Variants in KIAA0319L observed in about 807,000 individuals in gnomAD.
KIAA0319L encodes KIAA0319 like.
KIAA0319L carries 55 observed loss-of-function variants against 120.1 expected under a neutral mutation model. That is an observed-to-expected ratio of 0.46 (90% CI 0.37 to 0.57). The LOEUF is 0.57. Among genes scored for constraint, KIAA0319L ranks in the 20% least tolerant of loss-of-function variants. The pLI is 0.00. For missense variants in KIAA0319L, 1,049 were observed against 1,255.3 expected, an observed-to-expected ratio of 0.84 and a Z score of 2.48; for synonymous variants, 398 against 471.9, an observed-to-expected ratio of 0.84 and a Z score of 2.03.
At chr1:35,533,886 TAAAC>T (rs563379784) in intron 2 of KIAA0319L, among the ~76,000 whole-genome samples, 149 of 152,210 alleles carry the variant, frequency 9.8e-4, no homozygotes, top group Middle Eastern at 3.4e-3. Context: ...CACCCACTAA[TAAAC>T]AAATACAAAA....
intron 7 of KIAA0319L, among the ~76,000 whole-genome samples, chr1:35,465,751 G>A (rs914253015): frequency 6.6e-6 from 1 of 152,172 alleles, no homozygotes; most frequent in Non-Finnish European, 1.5e-5. Flanking sequence ...CGTGTTGTGG[G>A]AGGAACCCAG....
chr1:35,537,625 A>C (rs1372543752), intron 2 of KIAA0319L, among the ~76,000 whole-genome samples: 2 of 150,390 alleles, frequency 1.3e-5, no homozygotes, highest in Non-Finnish European at 3.0e-5. Flanking sequence ...TAAAAAAAAA[A>C]AAAAAAAAAA....
chr1:35,485,147 GA>G (rs1309670802), intron 3 of KIAA0319L, among the ~76,000 whole-genome samples: 1 of 151,942 alleles, frequency 6.6e-6, no homozygotes, highest in East Asian at 1.9e-4. Context: ...ATATCTGGTT[GA>G]AAACTAGAGG....
chr1:35,478,864 C>T (rs1283363588), intron 4 of KIAA0319L, 102 bp downstream of exon 4: 4 of 1,341,946 alleles, frequency 3.0e-6, no homozygotes, highest in South Asian at 1.4e-5. Context: ...CTCTAACACA[C>T]AGTATTCAAG....
intron 6 of KIAA0319L, among the ~76,000 whole-genome samples, chr1:35,469,171 G>A (rs940364826): frequency 3.9e-5 from 6 of 152,128 alleles, no homozygotes; most frequent in Admixed American, 6.5e-5. Context: ...TGGGACCACA[G>A]GCACATGCCA....
Position 35,455,568 on chromosome 1 carries a change from A to C in KIAA0319L, c.1656+445T>G, listed in dbSNP as rs930612071. 1.2e-4 allele frequency among the ~76,000 whole-genome samples: 18 copies of C among 147,822 alleles called. No homozygotes were observed. The South Asian group carries it at 1.7e-3, about 14-fold the overall frequency. ...CTTTTCCTCTAATACTAAACATTTA[A>C]GATAATTTTTTTTTTTTTTTTTTTT... On this transcript the variant is annotated intron_variant, in intron 10 of 20. Coordinates refer to ENST00000325722, the MANE Select transcript of KIAA0319L (RefSeq NM_024874.5).
At chr1:35,472,455 C>T (rs564917130) in intron 5 of KIAA0319L, among the ~76,000 whole-genome samples, 17 of 152,284 alleles carry the variant, frequency 1.1e-4, no homozygotes, top group African/African-American at 4.1e-4. Context: ...CCACGTCTGG[C>T]TAATTTTTGT....
chr1:35,534,858 CAAAAAAAAAAAAA>C (rs779838672), intron 2 of KIAA0319L, among the ~76,000 whole-genome samples: 2 of 42,636 alleles, frequency 4.7e-5, no homozygotes, highest in Non-Finnish European at 5.5e-5. Context: ...GACTCCGTCT[CAAAAAAAAAAAAA>C]AAAAAAAAAA....
In KIAA0319L at chr1:35,456,254, A is replaced by G; in HGVS notation, c.1428-13T>C. On this transcript the variant is annotated splice_polypyrimidine_tract_variant and intron_variant, in intron 9 of 20. Coordinates refer to ENST00000325722, the MANE Select transcript of KIAA0319L (RefSeq NM_024874.5). ...TACTACAGTCAAGCTATCAGGGCAGAGAGAGGAGTGTGATCAGGGACGGGT... is the reference window on the plus strand; with the variant it reads ...TACTACAGTCAAGCTATCAGGGCAGGGAGAGGAGTGTGATCAGGGACGGGT... 2.7e-6 allele frequency: 4 copies of G among 1,508,688 alleles called. No individual in the cohort carries two copies. Among genetic ancestry groups the G allele is most frequent in the Non-Finnish European group, 3.6e-6 (4 of 1,110,004 alleles). The allele number at this position is 1,508,688 out of a possible 1,614,324, so 93.5% of individuals were successfully genotyped here.
chr1:35,472,786 C>T (rs928306849), intron 5 of KIAA0319L, among the ~76,000 whole-genome samples: 1 of 139,216 alleles, frequency 7.2e-6, no homozygotes, highest in Non-Finnish European at 1.6e-5. Context: ...ATCTATTTCC[C>T]TTTTTTTTTT....
At position 35,465,209 on chromosome 1, in the gene KIAA0319L, C is replaced by T. The variant is rs376890132; in HGVS notation, c.1201+1399G>A. On this transcript the variant is annotated intron_variant, in intron 7 of 20. Coordinates refer to ENST00000325722, the MANE Select transcript of KIAA0319L (RefSeq NM_024874.5). Reference sequence around the variant, plus strand: ...GCTTGCACTATGCACCCGGAAAAGCCGCAGACACTCAACGCCAGGCTGTGA... The same window carrying T: ...GCTTGCACTATGCACCCGGAAAAGCTGCAGACACTCAACGCCAGGCTGTGA... Among the ~76,000 whole-genome samples, 10 of 152,290 alleles carry T rather than the reference C, an allele frequency of 6.6e-5. 1 individual carries two copies. The East Asian group carries it at 1.4e-3, about 21-fold the overall frequency.
chr1:35,504,355 C>T (rs915559625), intron 3 of KIAA0319L, among the ~76,000 whole-genome samples: 1 of 152,082 alleles, frequency 6.6e-6, no homozygotes, highest in African/African-American at 2.4e-5. Flanking sequence ...TGCCACCACG[C>T]CCGGCTAACT....
In KIAA0319L at chr1:35,444,311, G is replaced by T; in HGVS notation, c.2514-8C>A. 1 of 1,602,010 alleles carries T rather than the reference G, an allele frequency of 6.2e-7. No homozygotes were observed. Among genetic ancestry groups the T allele is most frequent in the East Asian group, 2.3e-5 (1 of 44,444 alleles). On this transcript the variant is annotated splice_polypyrimidine_tract_variant and splice_region_variant and intron_variant, in intron 16 of 20. Transcript: ENST00000325722. Reference sequence around the variant, plus strand: ...AAAAATACCATTTTGGTGCTGCAGAGACATGCAACAGTACTAATGAGCTGA... The same window carrying T: ...AAAAATACCATTTTGGTGCTGCAGATACATGCAACAGTACTAATGAGCTGA...
intron 19 of KIAA0319L, 34 bp downstream of exon 19, chr1:35,442,212 G>A (rs1384849858): frequency 2.0e-6 from 3 of 1,495,068 alleles, no homozygotes; most frequent in African/African-American, 2.8e-5. Context: ...ATGACAAGAA[G>A]CCCGAATGAA....
intron 5 of KIAA0319L, among the ~76,000 whole-genome samples, chr1:35,473,362 T>C (rs565494663): frequency 1.1e-4 from 17 of 152,080 alleles, no homozygotes; most frequent in Non-Finnish European, 1.9e-4. Context: ...CCTCCCAAAG[T>C]ACCAGGATTA....
intron 16 of KIAA0319L, 143 bp from the exon 17 acceptor site, chr1:35,444,446 G>A (rs1030179013): frequency 5.3e-6 from 4 of 759,514 alleles, no homozygotes; most frequent in Non-Finnish European, 7.8e-6. Context: ...AGTGAGAAAG[G>A]TGTTATCAGG....
At chr1:35,448,119 AAGC>A in intron 16 of KIAA0319L, 51 bp downstream of exon 16, 1 of 1,502,728 alleles carries the variant, frequency 6.7e-7, no homozygotes, top group East Asian at 2.3e-5. Flanking sequence ...CTCATTCAAG[AAGC>A]CCGGGGGCCC....
chr1:35,509,527 G>A (rs1454141027), intron 2 of KIAA0319L, among the ~76,000 whole-genome samples: 1 of 152,238 alleles, frequency 6.6e-6, no homozygotes, highest in Non-Finnish European at 1.5e-5. Context: ...ACGGCTGCAA[G>A]CCAAGGAAAG....
At position 35,450,373 on chromosome 1, in the gene KIAA0319L, C is replaced by T. The variant is rs1180300679; in HGVS notation, c.2199G>A (p.Gly733=). 3.1e-6 allele frequency: 5 copies of T among 1,613,726 alleles called. No homozygotes were observed. The highest frequency in any genetic ancestry group is 1.7e-4 in the Middle Eastern group (1 of 5,964). The part of the protein sequence containing the change: ...IVSYLWTRDE[G]SPAAGEVLNH... ...GCACACTTACCCCTGCTGCTGGGCT[C>T]CCCTCATCTCGAGTCCAGAGGTAGC... The change falls in exon 14 of 21, where the codon GGG becomes GGA. Residue 733 remains glycine, a synonymous_variant. Coordinates refer to ENST00000325722, the MANE Select transcript of KIAA0319L (RefSeq NM_024874.5).
Sources: allele counts gnomAD v4.1 joint callset (sites outside exome capture counted in the v4.1 genomes callset), GRCh38; gene constraint gnomAD v4.1.1; transcripts MANE v1.5; gene names NCBI Gene and HGNC (gene_info 2026-07-23, HGNC 2026-07-21).